SYNDIG1L: variants seen among roughly 807,000 people sequenced by gnomAD.
SYNDIG1L encodes synapse differentiation inducing 1 like.
A neutral mutation model predicts 20.1 loss-of-function variants in SYNDIG1L; 13 were observed. That is an observed-to-expected ratio of 0.65 (90% confidence interval 0.42 to 1.03). The LOEUF is 1.03. Ranked by LOEUF, SYNDIG1L falls within the 50% of genes least tolerant of loss-of-function variation. The pLI, the probability that SYNDIG1L is intolerant of heterozygous loss-of-function variation, is 0.00. For synonymous variants in SYNDIG1L, 128 were observed against 129.3 expected, an observed-to-expected ratio of 0.99 and a Z score of 0.07; for missense variants, 294 against 305.1, an observed-to-expected ratio of 0.96 and a Z score of 0.27.
the SYNDIG1L span, among the ~76,000 whole-genome samples, chr14:74,456,860 G>A: frequency 6.6e-6 from 1 of 152,128 alleles, no homozygotes; most frequent in Non-Finnish European, 1.5e-5. Flanking sequence ...GCCATGGAGG[G>A]AAGTCACTCA....
At chr14:74,459,854 C>T in the SYNDIG1L span, among the ~76,000 whole-genome samples, 1 of 152,220 alleles carries the variant, frequency 6.6e-6, no homozygotes, top group Non-Finnish European at 1.5e-5. Context: ...GCCCCAATAA[C>T]TCACTGCCCA....
chr14:74,457,919 T>A, the SYNDIG1L span, among the ~76,000 whole-genome samples: 1 of 152,000 alleles, frequency 6.6e-6, no homozygotes, highest in South Asian at 2.1e-4. Flanking sequence ...CACCCCAGCC[T>A]CCTGAGTAGC....
At chr14:74,458,734 G>A in the SYNDIG1L span, among the ~76,000 whole-genome samples, 2 of 151,864 alleles carry the variant, frequency 1.3e-5, no homozygotes, top group East Asian at 3.9e-4. Context: ...TAATTAAATG[G>A]GCACTTTTGA....
In SYNDIG1L at chr14:74,409,388, A is replaced by C. The variant is rs1039274860; in HGVS notation, c.357T>G (p.Thr119=). 19 of 1,611,840 alleles carry C rather than the reference A, an allele frequency of 1.2e-5. No individual in the cohort carries two copies. Among genetic ancestry groups the C allele is most frequent in the Non-Finnish European group, 1.6e-5 (19 of 1,179,164 alleles). Residue 119 remains threonine (T), a synonymous_variant, in exon 2 of 4, where the codon ACT becomes ACG. Transcript: ENST00000331628. ...GQAAENVTIQ[T]VSYGVQEELR... ...GCTCCTCTTGTACCCCATAGGACAC[A>C]GTCTGGATGGTGACATTCTCTGCAG... is the stretch of plus-strand genomic sequence containing the variant.
the SYNDIG1L span, among the ~76,000 whole-genome samples, chr14:74,448,501 C>A: frequency 6.6e-6 from 1 of 152,032 alleles, no homozygotes. Flanking sequence ...AAAGGAAAAA[C>A]TGATAGAATT....
At chr14:74,444,701 A>T in the SYNDIG1L span, among the ~76,000 whole-genome samples, 1 of 152,064 alleles carries the variant, frequency 6.6e-6, no homozygotes, top group Non-Finnish European at 1.5e-5. Flanking sequence ...CAGCGAGTCA[A>T]GATTGTGCCA....
At chr14:74,431,236 C>CGTGT in the SYNDIG1L span, among the ~76,000 whole-genome samples, 11 of 151,354 alleles carry the variant, frequency 7.3e-5, no homozygotes, top group Non-Finnish European at 1.5e-4. Flanking sequence ...TTTGCATGTG[C>CGTGT]GTGTGTGTGT....
At chr14:74,439,466 T>G in the SYNDIG1L span, among the ~76,000 whole-genome samples, 1 of 152,192 alleles carries the variant, frequency 6.6e-6, no homozygotes, top group East Asian at 1.9e-4. Context: ...TTGGCTTGAG[T>G]GTGAACAGGG....
chr14:74,415,459 C>A (rs538264553), intron 1 of SYNDIG1L, among the ~76,000 whole-genome samples: 86 of 152,198 alleles, frequency 5.7e-4, no homozygotes, highest in African/African-American at 2.0e-3. Context: ...TGAGGGACCA[C>A]ACTTTAAGAA....
At chr14:74,426,509 A>G (rs957783488), upstream of SYNDIG1L, among the ~76,000 whole-genome samples, 6 of 152,160 alleles carry the variant, frequency 3.9e-5, no homozygotes, top group African/African-American at 1.2e-4. Flanking sequence ...TTCTTGAAGC[A>G]TTTTGGAGCT....
chr14:74,432,296 T>C, the SYNDIG1L span, among the ~76,000 whole-genome samples: 6 of 152,258 alleles, frequency 3.9e-5, no homozygotes, highest in Non-Finnish European at 8.8e-5. Context: ...CAAGCAGTGC[T>C]TGGGGCACCC....
chr14:74,454,923 T>G, the SYNDIG1L span, among the ~76,000 whole-genome samples: 1 of 152,372 alleles, frequency 6.6e-6, no homozygotes, highest in African/African-American at 2.4e-5. Flanking sequence ...GGTATTGCCA[T>G]GAAGGTAGTT....
At chr14:74,425,490 C>T (rs1198482638) in intron 1 of SYNDIG1L, among the ~76,000 whole-genome samples, 4 of 152,228 alleles carry the variant, frequency 2.6e-5, no homozygotes, top group Non-Finnish European at 4.4e-5. Flanking sequence ...CCACAGCCAC[C>T]TCAGTCACCT....
the SYNDIG1L span, among the ~76,000 whole-genome samples, chr14:74,456,336 CCTGA>C: frequency 1.3e-5 from 2 of 152,168 alleles, no homozygotes; most frequent in Non-Finnish European, 1.5e-5. Flanking sequence ...TTGAGACCAG[CCTGA>C]CTAACACAGT....
In SYNDIG1L at chr14:74,407,943, G is replaced by T. The variant is rs116834070; in HGVS notation, c.464C>A (p.Thr155Lys). 6.2e-7 allele frequency: 1 copy of T among 1,613,780 alleles called. No individual in the cohort carries two copies. Among genetic ancestry groups the T allele is most frequent in the Non-Finnish European group, 8.5e-7 (1 of 1,179,820 alleles). ...TESESEDNFLTLPPRDHLGLT... is the reference protein window; with the variant it reads ...TESESEDNFLKLPPRDHLGLT... ...TCCCAGGTGGTCCCTGGGAGGCAGC[G>T]TGAGGAAGTTGTCTTCACTTTCACT... is the stretch of plus-strand genomic sequence containing the variant. Residue 155 changes from threonine to lysine, a missense_variant, in exon 3 of 4, where the codon ACG becomes AAG. Physicochemically the swap from Thr to Lys is moderately conservative, Grantham distance 78. Coordinates refer to ENST00000331628, the MANE Select transcript of SYNDIG1L (RefSeq NM_001105579.2).
the SYNDIG1L span, among the ~76,000 whole-genome samples, chr14:74,469,520 A>T: frequency 6.7e-5 from 6 of 89,736 alleles, no homozygotes; most frequent in East Asian, 1.5e-3. Flanking sequence ...AAAGTATAAT[A>T]AAAAAAAAAG....
the SYNDIG1L span, chr14:74,476,289 C>A: frequency 3.2e-6 from 2 of 617,258 alleles, no homozygotes; most frequent in Non-Finnish European, 5.8e-6. Context: ...CCCAGCAGCT[C>A]TGCCATGTTC....
chr14:74,466,348 AGATG>A, the SYNDIG1L span, among the ~76,000 whole-genome samples: 2 of 152,176 alleles, frequency 1.3e-5, no homozygotes, highest in African/African-American at 4.8e-5. Flanking sequence ...GTGGGTGGAT[AGATG>A]GATGGATGGA....
the SYNDIG1L span, chr14:74,474,882 T>A: frequency 6.6e-6 from 1 of 152,152 alleles, no homozygotes; most frequent in South Asian, 2.1e-4. Context: ...AAAAAGACAT[T>A]TTTCCCTATT....
Sources: gnomAD v4.1 joint callset for allele counts (sites outside exome capture counted in the v4.1 genomes callset) on GRCh38, gnomAD v4.1.1 for gene constraint, MANE v1.5 for transcripts, NCBI Gene and HGNC (gene_info 2026-07-23, HGNC 2026-07-21) for gene names.